TMEFF2: variants seen among roughly 807,000 people sequenced by gnomAD.
The protein encoded by TMEFF2 is tomoregulin-2.
A neutral mutation model predicts 53.8 loss-of-function variants in TMEFF2; 28 were observed. The ratio of observed to expected loss-of-function variants is 0.52; its 90% CI spans 0.39 to 0.71. The LOEUF (loss-of-function observed/expected upper bound fraction) is 0.71. TMEFF2 is among the 30% of genes least tolerant of loss of function. The pLI, the probability that TMEFF2 is intolerant of heterozygous loss-of-function variation, is 0.00. For synonymous variants in TMEFF2, 162 were observed against 166.3 expected, an observed-to-expected ratio of 0.97 and a Z score of 0.20; for missense variants, 353 against 455.2, an observed-to-expected ratio of 0.78 and a Z score of 2.04.
Position 191,955,254 on chromosome 2 carries a change from TAAATAA to T in TMEFF2, c.869+995_869+1000del, listed in dbSNP as rs567393311. Among the ~76,000 whole-genome samples the T allele has an allele frequency of 2.2e-3, 337 of 151,988 alleles. 1 individual carries two copies. The highest frequency in any genetic ancestry group is 7.5e-3 in the African/African-American group (310 of 41,440). ...CATCATATGTCACTTGTACTTAATG[TAAATAA>T]AAATAAAAATAAATTATGTTTTCAT... On this transcript the variant is annotated intron_variant, in intron 8 of 9. Transcript: ENST00000272771.
rs186127068 is a variant in TMEFF2 at position 192,018,340 on chromosome 2, G to A, written c.537-19132C>T. ...TAAAGGGCTTCAACGTTTCCTCTTTGCTTTTAGCTTATCCTTATTATATTA... is the reference window on the plus strand; with the variant it reads ...TAAAGGGCTTCAACGTTTCCTCTTTACTTTTAGCTTATCCTTATTATATTA... On this transcript the variant is annotated intron_variant, in intron 5 of 9. Coordinates refer to ENST00000272771, the MANE Select transcript of TMEFF2 (RefSeq NM_016192.4). 1.9e-3 allele frequency among the ~76,000 whole-genome samples: 292 copies of A among 152,256 alleles called. 2 individuals carry two copies. Among genetic ancestry groups the A allele is most frequent in the Admixed American group, 3.0e-3 (46 of 15,282 alleles).
At chr2:192,112,108 G>A (rs1361615245) in intron 4 of TMEFF2, among the ~76,000 whole-genome samples, 1 of 152,174 alleles carries the variant, frequency 6.6e-6, no homozygotes, top group Non-Finnish European at 1.5e-5. Context: ...AGTTCTCACT[G>A]GGGCACTGCC....
At chr2:192,164,208 A>G (rs1410601821) in intron 4 of TMEFF2, among the ~76,000 whole-genome samples, 2 of 152,004 alleles carry the variant, frequency 1.3e-5, no homozygotes, top group Non-Finnish European at 2.9e-5. Context: ...CTCTTCTACC[A>G]CTTTCCTGCT....
At chr2:192,060,879 T>G (rs1688027934) in intron 4 of TMEFF2, among the ~76,000 whole-genome samples, 1 of 152,296 alleles carries the variant, frequency 6.6e-6, no homozygotes, top group South Asian at 2.1e-4. Flanking sequence ...AAACTTAGGT[T>G]TTGGCAAGCG....
chr2:192,083,122 T>C (rs922605182), intron 4 of TMEFF2, among the ~76,000 whole-genome samples: 2 of 152,086 alleles, frequency 1.3e-5, no homozygotes, highest in Non-Finnish European at 2.9e-5. Context: ...TACAGGCCCT[T>C]AGGAAAAAAA....
chr2:191,998,981 A>C (rs886776395), intron 6 of TMEFF2, 79 bp downstream of exon 6: 2 of 1,423,232 alleles, frequency 1.4e-6, no homozygotes, highest in Non-Finnish European at 1.9e-6. Context: ...TAGCTGCCTA[A>C]TAAGGAGTTT....
Position 192,057,759 on chromosome 2 carries a change from T to C in TMEFF2, c.456A>G (p.Gly152=). The part of the protein sequence containing the change: ...GSGDGVHEGS[G]ETSQKETSTC... ...TGGATGTCTCCTTTTGACTAGTTTC[T>C]CCAGAGCCTTCATGGACTGTAGGAC... Residue 152 remains glycine, a synonymous_variant, in exon 5 of 10, where the codon GGA becomes GGG. Transcript: ENST00000272771. The C allele has an allele frequency of 3.7e-6, 6 of 1,613,924 alleles. No individual in the cohort carries two copies. Among genetic ancestry groups the C allele is most frequent in the Non-Finnish European group, 5.1e-6 (6 of 1,179,818 alleles).
At chr2:192,133,811 C>G (rs1689923985) in intron 4 of TMEFF2, among the ~76,000 whole-genome samples, 1 of 152,226 alleles carries the variant, frequency 6.6e-6, no homozygotes. Context: ...TTACTTCAGT[C>G]AAGCCCAAAT....
intron 7 of TMEFF2, among the ~76,000 whole-genome samples, chr2:191,972,012 T>C (rs1692657032): frequency 6.6e-6 from 1 of 152,048 alleles, no homozygotes; most frequent in Non-Finnish European, 1.5e-5. Flanking sequence ...AGGAAAGAGG[T>C]GTTCCAGGAA....
At chr2:192,104,602 T>G (rs1689103976) in intron 4 of TMEFF2, among the ~76,000 whole-genome samples, 2 of 152,106 alleles carry the variant, frequency 1.3e-5, no homozygotes, top group South Asian at 2.1e-4. Flanking sequence ...CTATTCATAT[T>G]GTATTCATCT....
rs1405499007 is a variant in TMEFF2, at chr2:192,194,616, CGGCGGCAGCAGA to C, written c.-104_-93del. ...AGCGGGCTACTGAGCATCCCGCGGA[CGGCGGCAGCAGA>C]GGCGGCGGCGGTGGCAGTGGCACCC... is the stretch of plus-strand genomic sequence containing the variant. On this transcript the variant is annotated 5_prime_UTR_variant, in exon 1 of 10. Coordinates refer to ENST00000272771, the MANE Select transcript of TMEFF2 (RefSeq NM_016192.4). This position sits in a 1 kb window ranked among gnomAD's most constrained non-coding sequence, Gnocchi z 4.2. 4.7e-6 allele frequency: 7 copies of C among 1,480,384 alleles called. No individual in the cohort carries two copies. The highest frequency in any genetic ancestry group is 1.4e-5 in the African/African-American group (1 of 71,848). The allele number at this position is 1,480,384 out of a possible 1,614,324, so 91.7% of individuals were successfully genotyped here. A position where few individuals can be genotyped will look rare whatever the true frequency, so the allele number is the denominator to read the frequency against.
intron 7 of TMEFF2, among the ~76,000 whole-genome samples, chr2:191,962,059 C>T (rs1461362910): frequency 6.6e-6 from 1 of 152,182 alleles, no homozygotes; most frequent in Non-Finnish European, 1.5e-5. Flanking sequence ...GAGACCCAGT[C>T]ATAACATTCT....
At chr2:192,060,240 T>C (rs1688011958) in intron 4 of TMEFF2, among the ~76,000 whole-genome samples, 1 of 152,148 alleles carries the variant, frequency 6.6e-6, no homozygotes, top group Non-Finnish European at 1.5e-5. Context: ...TCTGATGCTT[T>C]AAAGTGCACA....
At chr2:191,963,939 AT>A (rs1312583993) in intron 7 of TMEFF2, among the ~76,000 whole-genome samples, 2 of 152,066 alleles carry the variant, frequency 1.3e-5, no homozygotes, top group Admixed American at 6.6e-5. Context: ...TAAAATTTCC[AT>A]TTTTTTATAG....
chr2:192,114,495 G>T (rs948058969), intron 4 of TMEFF2, among the ~76,000 whole-genome samples: 1 of 151,138 alleles, frequency 6.6e-6, no homozygotes, highest in Non-Finnish European at 1.5e-5. Flanking sequence ...AAATTGCAAA[G>T]AATAATGTAA....
chr2:191,990,065 C>T (rs541893791), intron 7 of TMEFF2, among the ~76,000 whole-genome samples: 1 of 152,268 alleles, frequency 6.6e-6, no homozygotes, highest in East Asian at 1.9e-4. Context: ...GCCACCACTT[C>T]CCTCAAGCCT....
At chr2:192,059,028 CTTTAG>C (rs1361422749) in intron 4 of TMEFF2, among the ~76,000 whole-genome samples, 1 of 151,642 alleles carries the variant, frequency 6.6e-6, no homozygotes, top group Non-Finnish European at 1.5e-5. Flanking sequence ...CTTTAGTTTT[CTTTAG>C]TTTACTGCTG....
At chr2:192,040,424 T>C (rs1687444742) in intron 5 of TMEFF2, among the ~76,000 whole-genome samples, 1 of 152,142 alleles carries the variant, frequency 6.6e-6, no homozygotes, top group African/African-American at 2.4e-5. Context: ...TTGAAGAGCT[T>C]CCTATTTTCT....
chr2:192,115,392 G>T (rs1226601312), intron 4 of TMEFF2, among the ~76,000 whole-genome samples: 1 of 151,820 alleles, frequency 6.6e-6, no homozygotes, highest in African/African-American at 2.4e-5. Context: ...AAACATCAGG[G>T]AACAGCTGTA....
Sources: gnomAD v4.1 joint callset for allele counts (sites outside exome capture counted in the v4.1 genomes callset) on GRCh38, gnomAD v4.1.1 for gene constraint, Gnocchi (gnomAD v3.1) non-coding constraint, MANE v1.5 for transcripts, NCBI Gene and HGNC (gene_info 2026-07-23, HGNC 2026-07-21) for gene names.